KRT20: variants seen among roughly 807,000 people sequenced by gnomAD.
KRT20 encodes keratin, type I cytoskeletal 20.
Under a neutral mutation model 43.0 loss-of-function variants are expected in KRT20, and 41 were observed. That is an observed-to-expected ratio of 0.95 (90% confidence interval 0.74 to 1.24). KRT20 has a LOEUF of 1.24. Ranked by LOEUF, KRT20 falls within the 50% of genes most tolerant of loss-of-function variation. The pLI, the probability that KRT20 is intolerant of heterozygous loss-of-function variation, is 0.00. For synonymous variants in KRT20, 207 were observed against 200.6 expected, an observed-to-expected ratio of 1.03 and a Z score of -0.27; for missense variants, 533 against 521.2, an observed-to-expected ratio of 1.02 and a Z score of -0.22.
intron 2 of KRT20, among the ~76,000 whole-genome samples, chr17:40,881,069 G>A (rs1474019289): frequency 6.6e-6 from 1 of 152,148 alleles, no homozygotes; most frequent in African/African-American, 2.4e-5. Context: ...GTTAATTATT[G>A]TGTTGGCAAA....
At chr17:40,880,572 C>A in intron 3 of KRT20, 42 bp downstream of exon 3, 6 of 1,562,728 alleles carry the variant, frequency 3.8e-6, no homozygotes, top group Non-Finnish European at 5.3e-6. Context: ...TTATATAGAA[C>A]CATTCCATTG....
intron 5 of KRT20, among the ~76,000 whole-genome samples, chr17:40,878,677 C>T (rs150524116): frequency 5.9e-5 from 9 of 152,176 alleles, no homozygotes; most frequent in African/African-American, 2.2e-4. Context: ...TTCATCAGAC[C>T]TGGCCATGTG....
At position 40,877,419 on chromosome 17, in the gene KRT20, T is replaced by G. The variant is rs1907397143; in HGVS notation, c.1140-2A>C. 1.3e-6 allele frequency: 2 copies of G among 1,498,360 alleles called. No homozygotes were observed. Among genetic ancestry groups the G allele is most frequent in the Non-Finnish European group, 8.9e-7 (1 of 1,127,706 alleles). The allele number at this position is 1,498,360 out of a possible 1,614,324, so 92.8% of individuals were successfully genotyped here. On this transcript the variant is annotated splice_acceptor_variant, in intron 6 of 7. Transcript: ENST00000167588. LOFTEE classifies it high-confidence loss of function. ...GTGCTTAACTGATATTCTGTAGTTC[T>G]GTTTTTTTTTTTAATGAAAAGAAGA...
chr17:40,881,227 C>CTGTGTGTG (rs34632722), intron 2 of KRT20, among the ~76,000 whole-genome samples: 1,873 of 145,736 alleles, frequency 0.013, 16 homozygotes, highest in African/African-American at 0.029. Flanking sequence ...TACATACACA[C>CTGTGTGTG]TGTGTGTGTG....
intron 5 of KRT20, among the ~76,000 whole-genome samples, chr17:40,878,801 T>C (rs1354753967): frequency 3.0e-5 from 3 of 100,714 alleles, no homozygotes; most frequent in Non-Finnish European, 5.4e-5. Flanking sequence ...AAATGCCTTT[T>C]CTTTTTCTTT....
At chr17:40,882,061 T>C (rs905483499) in intron 2 of KRT20, among the ~76,000 whole-genome samples, 3 of 152,108 alleles carry the variant, frequency 2.0e-5, no homozygotes, top group Non-Finnish European at 2.9e-5. Flanking sequence ...TGGTCCTGGT[T>C]CTTTGGTTGG....
chr17:40,880,592 C>A, intron 3 of KRT20, 22 bp downstream of exon 3: 1 of 1,603,412 alleles, frequency 6.2e-7, no homozygotes, highest in Non-Finnish European at 8.5e-7. Flanking sequence ...GTTTCCAATA[C>A]CACTTCTGAA....
intron 3 of KRT20, 80 bp downstream of exon 3, chr17:40,880,534 G>T: frequency 7.8e-7 from 1 of 1,279,858 alleles, no homozygotes; most frequent in Non-Finnish European, 1.1e-6. Context: ...CCCTTCTCCT[G>T]TTTCTCCCGC....
At chr17:40,876,602 TAA>T in intron 7 of KRT20, 144 bp from the exon 8 acceptor site, 1 of 471,074 alleles carries the variant, frequency 2.1e-6, no homozygotes, top group Non-Finnish European at 3.7e-6. Context: ...CAAAAAATCT[TAA>T]GTCCATTTTA....
In KRT20 at chr17:40,885,128, C is replaced by T. The variant is rs777595285; in HGVS notation, c.58G>A (p.Val20Ile). Residue 20 changes from valine (V) to isoleucine (I), a missense_variant, in exon 1 of 8, where the codon GTA (valine) becomes ATA (isoleucine). Coordinates refer to ENST00000167588, the MANE Select transcript of KRT20 (RefSeq NM_019010.3). ...RSLSSSLQAPVVSTVGMQRLG... is the reference protein window; with the variant it reads ...RSLSSSLQAPIVSTVGMQRLG... ...CGCTGCATGCCCACTGTACTGACTA[C>T]AGGGGCCTGCAAGGAGGAGCTCAGG... The T allele has an allele frequency of 1.2e-6, 2 of 1,612,950 alleles. No individual in the cohort carries two copies. The highest frequency in any genetic ancestry group is 1.7e-5 in the Admixed American group (1 of 60,004).
rs867059930 is a variant in KRT20 at position 40,878,360 on chromosome 17, CTCTT to C, written c.920_923del (p.Lys307SerfsTer7). On this transcript the variant is annotated frameshift_variant and splice_region_variant, in exon 6 of 8. Transcript: ENST00000167588. LOFTEE classifies it high-confidence loss of function. Reference sequence around the variant, plus strand: ...TCTCCTCTAGAGTGTGCTCCAAAGACTCTTTCTATGAGCACAAGAAAAATAGGGC... The same window carrying C: ...TCTCCTCTAGAGTGTGCTCCAAAGACTCTATGAGCACAAGAAAAATAGGGC... 8 of 1,612,670 alleles carry C rather than the reference CTCTT, an allele frequency of 5.0e-6. No homozygotes were observed. The highest frequency in any genetic ancestry group is 4.0e-5 in the African/African-American group (3 of 74,990).
Position 40,876,404 on chromosome 17 carries a change from T to C in KRT20, c.1232A>G (p.Lys411Arg), listed in dbSNP as rs771000108. ...CTCTTTGACTTCAGATGACACGACCTTGCCATCCACTACTTCTTGCACGAC... is the reference window on the plus strand; with the variant it reads ...CTCTTTGACTTCAGATGACACGACCCTGCCATCCACTACTTCTTGCACGAC... ...KTVVQEVVDG[K>R]VVSSEVKEVE... is the part of the protein sequence containing the mutation. The change falls in exon 8 of 8, where the codon AAG (lysine) becomes AGG (arginine). Residue 411 changes from lysine (K) to arginine (R), a missense_variant. Transcript: ENST00000167588. 42 of 1,613,316 alleles carry C rather than the reference T, an allele frequency of 2.6e-5. No homozygotes were observed. Among genetic ancestry groups the C allele is most frequent in the Non-Finnish European group, 3.3e-5 (39 of 1,179,402 alleles).
chr17:40,876,269 C>G lies in KRT20; in HGVS notation c.*92G>C. The G allele has an allele frequency of 1.2e-6, 1 of 822,994 alleles. No homozygotes were observed. The allele number at this position is 822,994 out of a possible 1,614,324, so 51.0% of individuals were successfully genotyped here. On this transcript the variant is annotated 3_prime_UTR_variant, in exon 8 of 8. Transcript: ENST00000167588. ...TAATCACTGCAGAGTATTAATAGTG[C>G]TTTCTTATGGCTGATTTCTTGCAGG...
At chr17:40,879,775 C>T in intron 5 of KRT20, 38 bp downstream of exon 5, 1 of 1,610,442 alleles carries the variant, frequency 6.2e-7, no homozygotes, top group Non-Finnish European at 8.5e-7. Flanking sequence ...TTGGTAAACA[C>T]ATACTAGATT....
chr17:40,883,006 G>A (rs1394947126), intron 1 of KRT20, among the ~76,000 whole-genome samples: 5 of 152,002 alleles, frequency 3.3e-5, no homozygotes, highest in South Asian at 2.1e-4. Context: ...CACCGTGCCC[G>A]GCCAAGAATG....
chr17:40,883,957 G>C (rs996335253), intron 1 of KRT20, among the ~76,000 whole-genome samples: 1 of 152,178 alleles, frequency 6.6e-6, no homozygotes, highest in Non-Finnish European at 1.5e-5. Context: ...AAGTAAATGC[G>C]CTTTGCTCTA....
chr17:40,879,128 C>T (rs1177831007), intron 5 of KRT20, among the ~76,000 whole-genome samples: 1 of 152,202 alleles, frequency 6.6e-6, no homozygotes, highest in Admixed American at 6.5e-5. Context: ...TTGCTCTTTT[C>T]TTTCTGCCAG....
chr17:40,882,664 ACATG>A lies in KRT20; in HGVS notation c.391-14_391-11del. ...GTTGAGCATCCTTAATCTGGAAAAT[ACATG>A]AGAAAGAATGACATTTTCTTTTTTA... is the stretch of plus-strand genomic sequence containing the variant. On this transcript the variant is annotated splice_polypyrimidine_tract_variant and intron_variant, in intron 1 of 7. Coordinates refer to ENST00000167588, the MANE Select transcript of KRT20 (RefSeq NM_019010.3). 1 of 1,328,480 alleles carries A rather than the reference ACATG, an allele frequency of 7.5e-7. No individual in the cohort carries two copies. The highest frequency in any genetic ancestry group is 1.0e-6 in the Non-Finnish European group (1 of 997,544). The allele number at this position is 1,328,480 out of a possible 1,614,324, so 82.3% of individuals were successfully genotyped here.
rs377474149 is a variant in KRT20, at chr17:40,884,963, G to T, written c.223C>A (p.Gln75Lys). 4.7e-5 allele frequency: 76 copies of T among 1,614,082 alleles called. No individual in the cohort carries two copies. The highest frequency in any genetic ancestry group is 6.0e-5 in the Non-Finnish European group (71 of 1,180,048). The change falls in exon 1 of 8, where the codon CAG (glutamine) becomes AAG (lysine). Residue 75 changes from glutamine to lysine, a missense_variant. Coordinates refer to ENST00000167588, the MANE Select transcript of KRT20 (RefSeq NM_019010.3). ...CTCGCTAGACGGTCATTTAGGTTCT[G>T]CATGGCCATTTTCTCATTGCCAACA... The part of the protein sequence containing the change: ...LFVGNEKMAM[Q>K]NLNDRLASYL...
Sources: allele counts gnomAD v4.1 joint callset (sites outside exome capture counted in the v4.1 genomes callset), GRCh38; gene constraint gnomAD v4.1.1; transcripts MANE v1.5; gene names NCBI Gene and HGNC (gene_info 2026-07-23, HGNC 2026-07-21).